Variants in TMEM132D observed in about 807,000 individuals in gnomAD.
TMEM132D encodes mature OL transmembrane protein.
TMEM132D carries 21 observed loss-of-function variants against 62.3 expected under a neutral mutation model. The ratio of observed to expected loss-of-function variants is 0.34; its 90% confidence interval spans 0.24 to 0.49. TMEM132D has a LOEUF of 0.49. Among genes scored for constraint, TMEM132D ranks in the 20% least tolerant of loss-of-function variants. TMEM132D has a pLI of 0.99. For missense variants in TMEM132D, 1,346 were observed against 1,402.8 expected (o/e 0.96, Z 0.65); for synonymous variants, 621 against 575.6 (o/e 1.08, Z -1.13).
intron 2 of TMEM132D, among the ~76,000 whole-genome samples, chr12:129,680,237 A>G (rs186453890): frequency 3.1e-3 from 472 of 152,308 alleles, no homozygotes; most frequent in Non-Finnish European, 5.2e-3. Flanking sequence ...TTATCATTCC[A>G]ATTTATCTCT....
rs146436594 is a variant in TMEM132D at position 129,647,869 on chromosome 12, A to G, written c.968+51941T>C. Among the ~76,000 whole-genome samples, 712 of 152,284 alleles carry G rather than the reference A, an allele frequency of 4.7e-3. 4 individuals carry two copies. The highest frequency in any genetic ancestry group is 0.016 in the African/African-American group (676 of 41,568). ...AGAATATAACAGTGAGAAAATTATG[A>G]TGGGAAAAAAGATCTGCCCTAACCG... On this transcript the variant is annotated intron_variant, in intron 2 of 8. Coordinates refer to ENST00000422113, the MANE Select transcript of TMEM132D (RefSeq NM_133448.3).
chr12:129,524,425 G>A (rs1875950410), intron 3 of TMEM132D, among the ~76,000 whole-genome samples: 1 of 152,038 alleles, frequency 6.6e-6, no homozygotes, highest in African/African-American at 2.4e-5. Context: ...CAACATTACA[G>A]TTTCAGGTTA....
At chr12:129,730,315 G>A (rs1217069945) in intron 1 of TMEM132D, among the ~76,000 whole-genome samples, 1 of 152,036 alleles carries the variant, frequency 6.6e-6, no homozygotes, top group Non-Finnish European at 1.5e-5. Flanking sequence ...TGTACCTCCA[G>A]GAGATCTTCA....
chr12:129,657,809 T>C (rs1593108441), intron 2 of TMEM132D, among the ~76,000 whole-genome samples: 2 of 152,342 alleles, frequency 1.3e-5, no homozygotes, highest in Middle Eastern at 6.8e-3. Context: ...ACTGAGAATG[T>C]TTAATTTTCT....
At chr12:129,758,607 G>A (rs1014346382) in intron 1 of TMEM132D, among the ~76,000 whole-genome samples, 3 of 152,142 alleles carry the variant, frequency 2.0e-5, no homozygotes, top group Non-Finnish European at 4.4e-5. Flanking sequence ...GAAAGTGAAT[G>A]AATGTATCTA....
At chr12:129,607,956 C>G (rs1254057460) in intron 2 of TMEM132D, among the ~76,000 whole-genome samples, 3 of 152,186 alleles carry the variant, frequency 2.0e-5, no homozygotes. Context: ...ACTCAGCCCC[C>G]AGTGAATGTG....
At chr12:129,516,441 C>A (rs1875678662) in intron 3 of TMEM132D, among the ~76,000 whole-genome samples, 1 of 152,094 alleles carries the variant, frequency 6.6e-6, no homozygotes, top group Non-Finnish European at 1.5e-5. Flanking sequence ...GCTGGGGAGG[C>A]CTCACAATCA....
At position 129,426,319 on chromosome 12, in the gene TMEM132D, A is replaced by G. The variant is rs567415055; in HGVS notation, c.1116-88502T>C. Among the ~76,000 whole-genome samples the G allele has an allele frequency of 2.4e-3, 361 of 152,360 alleles. 1 individual carries two copies. Among genetic ancestry groups the G allele is most frequent in the Non-Finnish European group, 3.5e-3 (235 of 68,028 alleles). Reference sequence around the variant, plus strand: ...AGAAAGGAGGTTCCCTAATCAGACAAGCAAAACCTCTCCAGAAACCGCTGG... The same window carrying G: ...AGAAAGGAGGTTCCCTAATCAGACAGGCAAAACCTCTCCAGAAACCGCTGG... On this transcript the variant is annotated intron_variant, in intron 3 of 8. Transcript: ENST00000422113.
intron 2 of TMEM132D, among the ~76,000 whole-genome samples, chr12:129,551,858 C>T (rs1163807134): frequency 6.6e-6 from 1 of 152,108 alleles, no homozygotes; most frequent in Non-Finnish European, 1.5e-5. Context: ...ATTATCATCC[C>T]CTGATATTAA....
intron 4 of TMEM132D, among the ~76,000 whole-genome samples, chr12:129,283,573 T>G (rs576729388): frequency 3.9e-5 from 6 of 152,184 alleles, no homozygotes; most frequent in African/African-American, 1.2e-4. Flanking sequence ...TCTACTGAAT[T>G]TTTTTTCCCA....
chr12:129,685,026 A>T (rs1880873544), intron 2 of TMEM132D, among the ~76,000 whole-genome samples: 1 of 152,202 alleles, frequency 6.6e-6, no homozygotes, highest in African/African-American at 2.4e-5. Flanking sequence ...ATTCATGAAG[A>T]TATGGTCTTG....
intron 5 of TMEM132D, among the ~76,000 whole-genome samples, chr12:129,188,141 T>C (rs1415709690): frequency 1.3e-5 from 2 of 152,224 alleles, no homozygotes; most frequent in East Asian, 3.8e-4. Context: ...TTCTATCCCT[T>C]GAACGTGGAC....
chr12:129,298,725 C>T (rs1881636126), intron 4 of TMEM132D, among the ~76,000 whole-genome samples: 1 of 152,104 alleles, frequency 6.6e-6, no homozygotes, highest in African/African-American at 2.4e-5. Context: ...GAGTGAAATC[C>T]TGCGGTATTT....
chr12:129,657,431 T>C (rs931038349), intron 2 of TMEM132D, among the ~76,000 whole-genome samples: 1 of 152,008 alleles, frequency 6.6e-6, no homozygotes, highest in Admixed American at 6.6e-5. Context: ...GTCAACTGGT[T>C]AAGTCAGAAA....
intron 5 of TMEM132D, among the ~76,000 whole-genome samples, chr12:129,092,698 A>G (rs1874968844): frequency 6.6e-6 from 1 of 152,226 alleles, no homozygotes; most frequent in Non-Finnish European, 1.5e-5. Flanking sequence ...CTATGTCTCA[A>G]AAAAGAAAGA....
At chr12:129,305,581 A>T (rs1007047628) in intron 4 of TMEM132D, among the ~76,000 whole-genome samples, 1 of 152,218 alleles carries the variant, frequency 6.6e-6, no homozygotes, top group Non-Finnish European at 1.5e-5. Context: ...TACTTAAAAA[A>T]ATATATGCCC....
intron 2 of TMEM132D, among the ~76,000 whole-genome samples, chr12:129,649,715 C>T (rs1365260621): frequency 2.6e-5 from 4 of 151,644 alleles, no homozygotes; most frequent in African/African-American, 9.7e-5. Context: ...TATATACATG[C>T]ATAATCCATG....
Position 129,700,763 on chromosome 12 carries a change from C to T in TMEM132D, c.80-65G>A, listed in dbSNP as rs112823970. On this transcript the variant is annotated intron_variant, in intron 1 of 8. Transcript: ENST00000422113. The stretch of plus-strand genomic sequence containing the variant: ...AAGGTCCTGTTACCAGCATTTCAGA[C>T]ATCTGCGTGCCCCCTTCATAACAGA... 3,025 of 1,508,080 alleles carry T rather than the reference C, an allele frequency of 2.0e-3. 54 individuals are homozygous for T. In the African/African-American group the frequency reaches 0.037, roughly 18 times the overall value. The allele number at this position is 1,508,080 out of a possible 1,614,324, so 93.4% of individuals were successfully genotyped here.
At position 129,585,720 on chromosome 12, in the gene TMEM132D, C is replaced by A. The variant is rs12309969; in HGVS notation, c.969-54515G>T. 7.8e-4 allele frequency among the ~76,000 whole-genome samples: 118 copies of A among 152,018 alleles called. 1 individual carries two copies. Among genetic ancestry groups the A allele is most frequent in the African/African-American group, 2.8e-3 (115 of 41,428 alleles). On this transcript the variant is annotated intron_variant, in intron 2 of 8. Transcript: ENST00000422113. Reference sequence around the variant, plus strand: ...AATTGGCCATTTTAGAAGCATCTAGCACAAAGATGAGAAATATAAAAAGAT... The same window carrying A: ...AATTGGCCATTTTAGAAGCATCTAGAACAAAGATGAGAAATATAAAAAGAT...
Sources: gnomAD v4.1 joint callset for allele counts (sites outside exome capture counted in the v4.1 genomes callset) on GRCh38, gnomAD v4.1.1 for gene constraint, MANE v1.5 for transcripts, NCBI Gene and HGNC (gene_info 2026-07-23, HGNC 2026-07-21) for gene names.